Variants in PKP4 observed in about 807,000 individuals in gnomAD.
PKP4 encodes plakophilin-4.
PKP4 carries 90 observed loss-of-function variants against 145.1 expected under a neutral mutation model. The ratio of observed to expected loss-of-function variants is 0.62; its 90% CI spans 0.52 to 0.74. The LOEUF (loss-of-function observed/expected upper bound fraction) is 0.74. Among genes scored for constraint, PKP4 ranks in the 30% least tolerant of loss-of-function variants. The pLI, the probability that PKP4 is intolerant of heterozygous loss-of-function variation, is 0.00. For missense variants in PKP4, 1,340 were observed against 1,482.7 expected, an observed-to-expected ratio of 0.90 and a Z score of 1.58; for synonymous variants, 563 against 577.2, an observed-to-expected ratio of 0.98 and a Z score of 0.35.
chr2:158,640,946 T>C (rs768687453), intron 10 of PKP4, among the ~76,000 whole-genome samples, 187 bp downstream of exon 10: 1 of 152,258 alleles, frequency 6.6e-6, no homozygotes, highest in African/African-American at 2.4e-5. Flanking sequence ...AGGATACATA[T>C]ATTTCTTGGA....
Position 158,680,740 on chromosome 2 carries a change from CCATCT to C in PKP4, c.*64_*68del. 1 of 1,367,876 alleles carries C rather than the reference CCATCT, an allele frequency of 7.3e-7. No individual in the cohort carries two copies. The highest frequency in any genetic ancestry group is 1.0e-6 in the Non-Finnish European group (1 of 1,003,782). The allele number at this position is 1,367,876 out of a possible 1,614,324, so 84.7% of individuals were successfully genotyped here. A position where few individuals can be genotyped will look rare whatever the true frequency, so the allele number is the denominator to read the frequency against. Reference sequence around the variant, plus strand: ...CCTTGTTCAGATTGAGGTGAAAAGTCCATCTTGCTGATTTGATGATTGAAATGTGA... The same window carrying C: ...CCTTGTTCAGATTGAGGTGAAAAGTCTGCTGATTTGATGATTGAAATGTGA... On this transcript the variant is annotated 3_prime_UTR_variant, in exon 22 of 22. Transcript: ENST00000389759.
intron 1 of PKP4, among the ~76,000 whole-genome samples, chr2:158,528,669 G>GAAAAAA (rs59566011): frequency 2.3e-5 from 2 of 85,972 alleles, no homozygotes; most frequent in Non-Finnish European, 4.3e-5. Context: ...CTTACTAAAT[G>GAAAAAA]AAAAAAAAAA....
chr2:158,650,935 A>G (rs1314501002), intron 11 of PKP4, among the ~76,000 whole-genome samples: 2 of 152,186 alleles, frequency 1.3e-5, no homozygotes, highest in Non-Finnish European at 2.9e-5. Flanking sequence ...CCACACCTAT[A>G]GACCAGGAGC....
chr2:158,627,455 A>G (rs868417655), intron 7 of PKP4, among the ~76,000 whole-genome samples: 7 of 152,032 alleles, frequency 4.6e-5, no homozygotes, highest in Non-Finnish European at 7.4e-5. Flanking sequence ...TCTTGGGGGG[A>G]AAATATATAT....
rs377190262 is a variant in PKP4 at position 158,631,619 on chromosome 2, G to A, written c.1154-134G>A. ...GTTCCCAGACTGGTCTCAAATTCCT[G>A]GGCTCAAGCCATTCTCCCACCTCTG... On this transcript the variant is annotated intron_variant, in intron 7 of 21. Transcript: ENST00000389759. 5.3e-6 allele frequency: 4 copies of A among 751,778 alleles called. No individual in the cohort carries two copies. The African/African-American group carries it at 7.0e-5, about 13-fold the overall frequency. 46.6% of individuals were successfully genotyped at this position (751,778 alleles called of 1,614,324 possible).
At chr2:158,619,219 T>TA (rs2051954341) in intron 4 of PKP4, among the ~76,000 whole-genome samples, 1 of 152,254 alleles carries the variant, frequency 6.6e-6, no homozygotes, top group African/African-American at 2.4e-5. Flanking sequence ...AAACTCATGA[T>TA]AGAAGATGTA....
At chr2:158,655,754 A>G (rs1320561284) in intron 11 of PKP4, among the ~76,000 whole-genome samples, 1 of 152,246 alleles carries the variant, frequency 6.6e-6, no homozygotes, top group Non-Finnish European at 1.5e-5. Flanking sequence ...AACTGTCAGC[A>G]GGGGAGCTTA....
At chr2:158,510,065 G>A (rs2041361893) in intron 1 of PKP4, among the ~76,000 whole-genome samples, 3 of 151,836 alleles carry the variant, frequency 2.0e-5, no homozygotes, top group Admixed American at 2.0e-4. Flanking sequence ...CTTCCTTTAA[G>A]AAATTCAAAA....
intron 2 of PKP4, among the ~76,000 whole-genome samples, chr2:158,556,218 A>C (rs2046076452): frequency 6.6e-6 from 1 of 152,220 alleles, no homozygotes; most frequent in South Asian, 2.1e-4. Context: ...ATGTGTGAAA[A>C]ATATCTTCAT....
rs76014131 is a variant in PKP4, at chr2:158,559,265, T to C, written c.133-18006T>C. Among the ~76,000 whole-genome samples, 807 of 152,230 alleles carry C rather than the reference T, an allele frequency of 5.3e-3. 10 individuals carry two copies. The highest frequency in any genetic ancestry group is 0.019 in the African/African-American group (769 of 41,548). On this transcript the variant is annotated intron_variant, in intron 2 of 21. Transcript: ENST00000389759. ...GATCAACCCATAGCTTGCTCTGTGG[T>C]GATCCTTTCTACAGCCCCTTTAATT...
At chr2:158,544,964 A>G (rs1315248510) in intron 2 of PKP4, among the ~76,000 whole-genome samples, 1 of 150,210 alleles carries the variant, frequency 6.7e-6, no homozygotes, top group African/African-American at 2.4e-5. Flanking sequence ...CAGGACTAGG[A>G]TTTGGTTCCA....
chr2:158,655,303 A>C (rs2055803540), intron 11 of PKP4, among the ~76,000 whole-genome samples: 1 of 152,236 alleles, frequency 6.6e-6, no homozygotes, highest in Non-Finnish European at 1.5e-5. Context: ...GAGCAGGACA[A>C]AATTCTACCA....
At chr2:158,609,562 C>CT (rs1368673375) in intron 4 of PKP4, among the ~76,000 whole-genome samples, 2 of 152,286 alleles carry the variant, frequency 1.3e-5, no homozygotes, top group Admixed American at 6.5e-5. Flanking sequence ...AAGCTTAGCT[C>CT]TTTAAAAGCC....
intron 1 of PKP4, among the ~76,000 whole-genome samples, chr2:158,529,760 AGGACCTTG>A (rs1464526741): frequency 1.3e-5 from 2 of 152,334 alleles, no homozygotes; most frequent in African/African-American, 4.8e-5. Context: ...ACCTAAATAC[AGGACCTTG>A]TATTTATTCC....
rs1558909666 is a variant in PKP4 at position 158,625,435 on chromosome 2, CA to C, written c.1153+10del. 6.3e-7 allele frequency: 1 copy of C among 1,597,624 alleles called. No homozygotes were observed. Among genetic ancestry groups the C allele is most frequent in the South Asian group, 1.1e-5 (1 of 89,358 alleles). On this transcript the variant is annotated intron_variant, in intron 7 of 21. Transcript: ENST00000389759. Reference sequence around the variant, plus strand: ...GGCCAGACAGCCTGACAGGTGCGTACAAGGTGACAGTGCTACATAAAACCCA... The same window carrying C: ...GGCCAGACAGCCTGACAGGTGCGTACAGGTGACAGTGCTACATAAAACCCA...
chr2:158,504,628 T>G (rs1697051299), intron 1 of PKP4, among the ~76,000 whole-genome samples: 1 of 152,110 alleles, frequency 6.6e-6, no homozygotes, highest in Non-Finnish European at 1.5e-5. Flanking sequence ...TGAGGGTTGA[T>G]TCAGGTTCAT....
intron 21 of PKP4, among the ~76,000 whole-genome samples, chr2:158,679,920 T>C (rs189421231): frequency 6.6e-6 from 1 of 152,336 alleles, no homozygotes; most frequent in Admixed American, 6.5e-5. Flanking sequence ...TTTTAAAATG[T>C]AGGGGTGGAC....
chr2:158,556,768 G>C (rs1010261662), intron 2 of PKP4, among the ~76,000 whole-genome samples: 2 of 152,070 alleles, frequency 1.3e-5, no homozygotes. Context: ...TCCCTGTTTG[G>C]TACTGCCATT....
At chr2:158,593,683 T>C (rs975754203) in intron 3 of PKP4, among the ~76,000 whole-genome samples, 6 of 152,204 alleles carry the variant, frequency 3.9e-5, no homozygotes, top group African/African-American at 1.4e-4. Flanking sequence ...AATAAGCAAC[T>C]TTCGCCTTCA....
Sources: allele counts gnomAD v4.1 joint callset (sites outside exome capture counted in the v4.1 genomes callset), GRCh38; gene constraint gnomAD v4.1.1; transcripts MANE v1.5; gene names NCBI Gene and HGNC (gene_info 2026-07-23, HGNC 2026-07-21).